The following SLC13A3 variants were observed in gnomAD, a reference collection of about 807,000 sequenced individuals.
SLC13A3 encodes the protein Na(+)/dicarboxylate cotransporter 3.
A neutral mutation model predicts 59.0 loss-of-function variants in SLC13A3; 40 were observed. The observed-to-expected ratio is 0.68, with a 90% CI of 0.53 to 0.88. The LOEUF (loss-of-function observed/expected upper bound fraction) is 0.88, where lower values mean the gene tolerates loss of function less well. Ranked by LOEUF, SLC13A3 falls within the 40% of genes least tolerant of loss-of-function variation. The pLI is 0.00. For synonymous variants in SLC13A3, 317 were observed against 330.3 expected (o/e 0.96, Z 0.44); for missense variants, 699 against 783.2 (o/e 0.89, Z 1.28).
intron 1 of SLC13A3, among the ~76,000 whole-genome samples, chr20:46,615,934 C>T (rs763891344): frequency 1.3e-5 from 2 of 152,166 alleles, no homozygotes; most frequent in Non-Finnish European, 2.9e-5. Flanking sequence ...ACAGTTAATA[C>T]AAAGTTATCC....
intron 1 of SLC13A3, among the ~76,000 whole-genome samples, chr20:46,619,371 C>G (rs847097): frequency 0.69 from 105,373 of 152,136 alleles, 38,249 homozygotes; most frequent in African/African-American, 0.91. Context: ...GAGCCTGAGT[C>G]TTTAGGTCTC....
At chr20:46,599,878 G>T in intron 4 of SLC13A3, 93 bp downstream of exon 4, 2 of 972,058 alleles carry the variant, frequency 2.1e-6, no homozygotes, top group Non-Finnish European at 3.1e-6. Flanking sequence ...AAAATTCAGG[G>T]ATGGGAGGAA....
At chr20:46,597,683 C>T (rs575184381) in intron 4 of SLC13A3, among the ~76,000 whole-genome samples, 18 of 152,284 alleles carry the variant, frequency 1.2e-4, no homozygotes, top group African/African-American at 3.1e-4. Context: ...GTAATCTGCC[C>T]GCCTTGGCCT....
chr20:46,680,510 C>G (rs1263950016), intron 1 of SLC13A3, among the ~76,000 whole-genome samples: 1 of 152,198 alleles, frequency 6.6e-6, no homozygotes, highest in Non-Finnish European at 1.5e-5. Flanking sequence ...GGTCAGCAGT[C>G]AGCTCCTGTG....
chr20:46,585,675 A>G (rs1281086053), intron 8 of SLC13A3: 1 of 1,294,558 alleles, frequency 7.7e-7, no homozygotes, highest in Non-Finnish European at 1.0e-6. Context: ...TATCAGAATT[A>G]GAGACTGAGA....
upstream of SLC13A3, among the ~76,000 whole-genome samples, chr20:46,674,588 TGCGCGCGCGC>T (rs549666867): frequency 7.3e-6 from 1 of 136,756 alleles, no homozygotes; most frequent in African/African-American, 2.9e-5. Flanking sequence ...AGGTGGGGAG[TGCGCGCGCGC>T]GCGCGCGTGT....
At chr20:46,572,392 C>T (rs917736000) in intron 10 of SLC13A3, among the ~76,000 whole-genome samples, 7 of 152,174 alleles carry the variant, frequency 4.6e-5, no homozygotes, top group Admixed American at 2.0e-4. Context: ...AGAGAAACTC[C>T]GGCCAGCTGC....
intron 9 of SLC13A3, among the ~76,000 whole-genome samples, chr20:46,580,485 T>TA (rs1406325144): frequency 6.7e-6 from 1 of 148,494 alleles, no homozygotes; most frequent in African/African-American, 2.4e-5. Context: ...TATATATTTA[T>TA]AAAACATATA....
At chr20:46,608,832 C>T in intron 3 of SLC13A3, 1 of 1,514,582 alleles carries the variant, frequency 6.6e-7, no homozygotes, top group Non-Finnish European at 8.9e-7. Flanking sequence ...TCCAAAGCCA[C>T]AGGGGCAGAT....
intron 1 of SLC13A3, among the ~76,000 whole-genome samples, chr20:46,658,025 G>C (rs1214818289): frequency 6.6e-6 from 1 of 152,066 alleles, no homozygotes; most frequent in African/African-American, 2.4e-5. Context: ...TACTGCTGGG[G>C]AGTGCTGGGA....
At chr20:46,619,251 C>CA (rs1246910541) in intron 1 of SLC13A3, among the ~76,000 whole-genome samples, 2 of 151,904 alleles carry the variant, frequency 1.3e-5, no homozygotes, top group Non-Finnish European at 2.9e-5. Flanking sequence ...GTATTTGAGT[C>CA]AAAAAAAGGC....
At chr20:46,578,014 T>A (rs1033731082) in intron 9 of SLC13A3, among the ~76,000 whole-genome samples, 5 of 152,202 alleles carry the variant, frequency 3.3e-5, no homozygotes, top group South Asian at 2.1e-4. Context: ...TTATTTATTT[T>A]TTTTGAGATG....
At chr20:46,617,792 C>T (rs3092462) in intron 1 of SLC13A3, among the ~76,000 whole-genome samples, 28,298 of 152,122 alleles carry the variant, frequency 0.19, 2,886 homozygotes, top group East Asian at 0.44. Context: ...TCACATTCTG[C>T]GCAAAACTGA....
At chr20:46,635,730 T>TTC (rs2062789286) in intron 1 of SLC13A3, among the ~76,000 whole-genome samples, 1 of 152,092 alleles carries the variant, frequency 6.6e-6, no homozygotes, top group African/African-American at 2.4e-5. Flanking sequence ...GCAGCCTAAG[T>TTC]CACAGAATGA....
chr20:46,648,056 A>G (rs1301724276), intron 1 of SLC13A3, among the ~76,000 whole-genome samples: 1 of 152,198 alleles, frequency 6.6e-6, no homozygotes, highest in Non-Finnish European at 1.5e-5. Flanking sequence ...TGAATTGCCC[A>G]GCAAGCATGT....
In SLC13A3 at chr20:46,582,790, C is replaced by A. The variant is rs1763895351; in HGVS notation, c.1219+782G>T. On this transcript the variant is annotated intron_variant, in intron 9 of 12. Transcript: ENST00000279027. ...TGATTATAGTCCCTATTTCCTGACT[C>A]CGGAGGAGCTCATCCAACTGACCCA... 4.1e-6 allele frequency: 4 copies of A among 985,238 alleles called. No homozygotes were observed. The South Asian group carries it at 1.9e-4, about 46-fold the overall frequency. 61.0% of individuals were successfully genotyped at this position (985,238 alleles called of 1,614,324 possible). A position where few individuals can be genotyped will look rare whatever the true frequency, so the allele number is the denominator to read the frequency against.
upstream of SLC13A3, among the ~76,000 whole-genome samples, chr20:46,652,103 A>G (rs532782323): frequency 6.6e-6 from 1 of 152,340 alleles, no homozygotes; most frequent in Non-Finnish European, 1.5e-5. Context: ...GGAGGGTGGG[A>G]GGAGACAGAG....
chr20:46,583,420 A>AG, intron 9 of SLC13A3, 152 bp downstream of exon 9: 1 of 1,431,994 alleles, frequency 7.0e-7, no homozygotes, highest in Non-Finnish European at 9.1e-7. Flanking sequence ...GGCAGCCCTC[A>AG]GTCCCCAGAC....
intron 10 of SLC13A3, among the ~76,000 whole-genome samples, chr20:46,574,783 T>C (rs1250914070): frequency 1.3e-5 from 2 of 152,044 alleles, no homozygotes; most frequent in African/African-American, 4.8e-5. Context: ...ATCTACCTTC[T>C]AGCTTTGTTG....
Sources: allele counts gnomAD v4.1 joint callset (sites outside exome capture counted in the v4.1 genomes callset), GRCh38; gene constraint gnomAD v4.1.1; transcripts MANE v1.5; gene names NCBI Gene and HGNC (gene_info 2026-07-23, HGNC 2026-07-21).